Variants in PHACTR2 observed in about 807,000 individuals in gnomAD.
The protein encoded by PHACTR2 is chromosome 6 open reading frame 56.
Under a neutral mutation model 76.0 loss-of-function variants are expected in PHACTR2, and 30 were observed. The ratio of observed to expected loss-of-function variants is 0.39; its 90% confidence interval spans 0.30 to 0.54. The LOEUF is 0.54. Among genes scored for constraint, PHACTR2 ranks in the 20% least tolerant of loss-of-function variants. PHACTR2 has a pLI of 0.61. For synonymous variants in PHACTR2, 292 were observed against 292.5 expected (o/e 1.00, Z 0.02); for missense variants, 696 against 781.1 (o/e 0.89, Z 1.30).
At position 143,710,293 on chromosome 6, in the gene PHACTR2, G is replaced by A. The variant is rs1262968999; in HGVS notation, c.47-1723G>A. Among the ~76,000 whole-genome samples the A allele has an allele frequency of 6.6e-6, 1 of 152,154 alleles. No homozygotes were observed. The highest frequency in any genetic ancestry group is 1.5e-5 in the Non-Finnish European group (1 of 68,038). On this transcript the variant is annotated intron_variant, in intron 1 of 12. Coordinates refer to ENST00000440869, the MANE Select transcript of PHACTR2 (RefSeq NM_001100164.2). This position sits in a 1 kb window ranked among gnomAD's most constrained non-coding sequence, Gnocchi z 4.9. ...ACCGTGTTGTTTCTTGGGTTCTGAG[G>A]TCCCAGGCTTGTCTACCTTCCCTTG...
intron 1 of PHACTR2, among the ~76,000 whole-genome samples, chr6:143,540,253 G>T (rs1352580115): frequency 6.6e-6 from 1 of 152,130 alleles, no homozygotes; most frequent in Non-Finnish European, 1.5e-5. Flanking sequence ...GTGTTGAGGG[G>T]AAAAGGAAAT....
At chr6:143,692,427 C>G (rs999320071) in intron 1 of PHACTR2, among the ~76,000 whole-genome samples, 1 of 152,194 alleles carries the variant, frequency 6.6e-6, no homozygotes, top group African/African-American at 2.4e-5. Flanking sequence ...TGCGCTGTTT[C>G]ATTTTCCTAA....
chr6:143,698,905 C>T lies in PHACTR2; in HGVS notation c.47-13111C>T, dbSNP rs890839377. Among the ~76,000 whole-genome samples, 8 of 152,306 alleles carry T rather than the reference C, an allele frequency of 5.3e-5. No homozygotes were observed. The highest frequency in any genetic ancestry group is 3.4e-3 in the Middle Eastern group (1 of 294). On this transcript the variant is annotated intron_variant, in intron 1 of 12. Coordinates refer to ENST00000440869, the MANE Select transcript of PHACTR2 (RefSeq NM_001100164.2). This position sits in a 1 kb window ranked among gnomAD's most constrained non-coding sequence, Gnocchi z 4.3. ...CCTTCCTCCTCTCCCTTGGATTGTC[C>T]GAACCCTGGGTCTCCTTGGCAACAC...
At chr6:143,699,254 T>G (rs6913134) in intron 1 of PHACTR2, among the ~76,000 whole-genome samples, 29,207 of 152,160 alleles carry the variant, frequency 0.19, 2,986 homozygotes, top group East Asian at 0.35. Context: ...ACATCCTGGC[T>G]GGTGCAGCTC....
intron 1 of PHACTR2, among the ~76,000 whole-genome samples, chr6:143,694,557 T>G (rs1777726915): frequency 6.6e-6 from 1 of 152,234 alleles, no homozygotes; most frequent in African/African-American, 2.4e-5. Context: ...TCCTTTTCTG[T>G]GTTTGGTTTT....
rs3060568 is a variant in PHACTR2 at position 143,783,036 on chromosome 6, T to TGTG, written c.1646-183_1646-182insGTG. Among the ~76,000 whole-genome samples, 1 of 151,436 alleles carries TGTG rather than the reference T, an allele frequency of 6.6e-6. No individual in the cohort carries two copies. The highest frequency in any genetic ancestry group is 2.1e-4 in the South Asian group (1 of 4,786). On this transcript the variant is annotated intron_variant, in intron 9 of 12. Coordinates refer to ENST00000440869, the MANE Select transcript of PHACTR2 (RefSeq NM_001100164.2). This position sits in a 1 kb window ranked among gnomAD's most constrained non-coding sequence, Gnocchi z 5.2. ...GTGTGTGTGTGTGTGTGTGTGTGTG[T>TGTG]ATGTGTGTGTGTGTGTAAGATGATC...
chr6:143,721,412 A>C (rs1429101696), intron 2 of PHACTR2, among the ~76,000 whole-genome samples: 1 of 152,230 alleles, frequency 6.6e-6, no homozygotes, highest in South Asian at 2.1e-4. Context: ...ATAGTAAAAC[A>C]CTTTCATAAT....
In PHACTR2 at chr6:143,691,545, A is replaced by T. The variant is rs182508640; in HGVS notation, c.46+13336A>T. On this transcript the variant is annotated intron_variant, in intron 1 of 12. Transcript: ENST00000440869. ...AATATTATAAGCAGCAAAATGATGC[A>T]TTTCCCACAACAACTAGGTTTGAAG... Among the ~76,000 whole-genome samples the T allele has an allele frequency of 3.9e-5, 6 of 152,330 alleles. No individual in the cohort carries two copies. The East Asian group carries it at 1.2e-3, about 29-fold the overall frequency.
rs1777751056 is a variant in PHACTR2, at chr6:143,695,441, A to G, written c.47-16575A>G. On this transcript the variant is annotated intron_variant, in intron 1 of 12. Coordinates refer to ENST00000440869, the MANE Select transcript of PHACTR2 (RefSeq NM_001100164.2). This position sits in a 1 kb window ranked among gnomAD's most constrained non-coding sequence, Gnocchi z 4.4. ...TCCAAGACCCTATTTCAGATTCAAC[A>G]TTCAATACCCTAAGGCATAAAAATG... is the stretch of plus-strand genomic sequence containing the variant. Among the ~76,000 whole-genome samples the G allele has an allele frequency of 6.6e-6, 1 of 152,258 alleles. No individual in the cohort carries two copies. Among genetic ancestry groups the G allele is most frequent in the African/African-American group, 2.4e-5 (1 of 41,468 alleles).
chr6:143,765,030 C>G lies in PHACTR2; in HGVS notation c.695-231C>G, dbSNP rs902381686. Among the ~76,000 whole-genome samples, 1 of 152,124 alleles carries G rather than the reference C, an allele frequency of 6.6e-6. No individual in the cohort carries two copies. Among genetic ancestry groups the G allele is most frequent in the African/African-American group, 2.4e-5 (1 of 41,416 alleles). Reference sequence around the variant, plus strand: ...GACTAAAGTGAGAGAAGACAGAGGACTCTTGTTCCTCTGAGTTTTGCCGTA... The same window carrying G: ...GACTAAAGTGAGAGAAGACAGAGGAGTCTTGTTCCTCTGAGTTTTGCCGTA... On this transcript the variant is annotated intron_variant, in intron 5 of 12. Coordinates refer to ENST00000440869, the MANE Select transcript of PHACTR2 (RefSeq NM_001100164.2). This position sits in a 1 kb window ranked among gnomAD's most constrained non-coding sequence, Gnocchi z 4.1.
intron 1 of PHACTR2, among the ~76,000 whole-genome samples, chr6:143,692,159 G>A (rs374550461): frequency 1.3e-5 from 2 of 152,118 alleles, no homozygotes; most frequent in Non-Finnish European, 2.9e-5. Flanking sequence ...CTTCCTTCTT[G>A]TATAAAGATG....
intron 3 of PHACTR2, among the ~76,000 whole-genome samples, chr6:143,752,423 G>T (rs1779202959): frequency 6.6e-6 from 1 of 151,652 alleles, no homozygotes; most frequent in Non-Finnish European, 1.5e-5. Flanking sequence ...GAATCATTTG[G>T]GTTCTCTTTG....
rs1775779789 is a variant in PHACTR2 at position 143,794,324 on chromosome 6, A to G, written c.1845+5414A>G. Among the ~76,000 whole-genome samples, 1 of 150,580 alleles carries G rather than the reference A, an allele frequency of 6.6e-6. No homozygotes were observed. Among genetic ancestry groups the G allele is most frequent in the Non-Finnish European group, 1.5e-5 (1 of 67,674 alleles). ...GCTTTTTACCTTAAAACATTTTATA[A>G]TATATTATTTATTATATATATTTAG... On this transcript the variant is annotated intron_variant, in intron 11 of 12. Transcript: ENST00000440869. This position sits in a 1 kb window ranked among gnomAD's most constrained non-coding sequence, Gnocchi z 4.1.
chr6:143,646,647 A>C lies in PHACTR2; in HGVS notation c.13+38325A>C, dbSNP rs149368461. Among the ~76,000 whole-genome samples, 63 of 152,284 alleles carry C rather than the reference A, an allele frequency of 4.1e-4. No homozygotes were observed. Among genetic ancestry groups the C allele is most frequent in the African/African-American group, 1.4e-3 (57 of 41,554 alleles). ...TAATTAGAATTCCACTTTTCTTGAA[A>C]TGTCAAGAAGGGCAGGTGTACTCTG... On this transcript the variant is annotated intron_variant, in intron 1 of 11. Coordinates refer to the PHACTR2 transcript ENST00000305766. This position sits in a 1 kb window ranked among gnomAD's most constrained non-coding sequence, Gnocchi z 4.1.
intron 1 of PHACTR2, among the ~76,000 whole-genome samples, chr6:143,701,935 A>T (rs764777867): frequency 7.2e-5 from 11 of 152,148 alleles, no homozygotes; most frequent in Non-Finnish European, 1.5e-4. Context: ...AGATCATTTA[A>T]CCTAGTCTCC....
Position 143,694,567 on chromosome 6 carries a change from T to C in PHACTR2, c.46+16358T>C, listed in dbSNP as rs574644214. Among the ~76,000 whole-genome samples, 3 of 152,366 alleles carry C rather than the reference T, an allele frequency of 2.0e-5. No homozygotes were observed. In the South Asian group the frequency reaches 6.2e-4, roughly 32 times the overall value. On this transcript the variant is annotated intron_variant, in intron 1 of 12. Transcript: ENST00000440869. ...AGTCTTCCTTTTCTGTGTTTGGTTT[T>C]GCTGGCTCTGTATGCTTTCATTGTC...
At position 143,757,118 on chromosome 6, in the gene PHACTR2, ATTAAG is replaced by A. The variant is rs1779318983; in HGVS notation, c.454+3210_454+3214del. On this transcript the variant is annotated intron_variant, in intron 4 of 12. Transcript: ENST00000440869. The surrounding 1 kb of genome is among the most constrained non-coding windows in gnomAD (Gnocchi z 4.2). The stretch of plus-strand genomic sequence containing the variant: ...AGAAATCTTGCTTGACATTATTTTT[ATTAAG>A]TTATTATTTTAAAATCTTCAATGAA... Among the ~76,000 whole-genome samples the A allele has an allele frequency of 2.6e-5, 4 of 152,204 alleles. No homozygotes were observed. The highest frequency in any genetic ancestry group is 6.5e-5 in the Admixed American group (1 of 15,304).
Position 143,765,371 on chromosome 6 carries a change from G to A in PHACTR2, c.805G>A (p.Ala269Thr). 7 of 1,614,198 alleles carry A rather than the reference G, an allele frequency of 4.3e-6. No individual in the cohort carries two copies. Among genetic ancestry groups the A allele is most frequent in the Non-Finnish European group, 5.9e-6 (7 of 1,180,042 alleles). Reference sequence around the variant, plus strand: ...TTCAAAGGAGACAGTTTCTAGCAAAGCAGGGACAGTGGGGACCACCAAGGG... The same window carrying A: ...TTCAAAGGAGACAGTTTCTAGCAAAACAGGGACAGTGGGGACCACCAAGGG... ...KASKETVSSK[A>T]GTVGTTKGKR... Residue 269 changes from alanine (A) to threonine (T), a missense_variant, in exon 6 of 13, where the codon GCA becomes ACA. This residue lies in a region of PHACTR2 where 460 missense variants were observed against 450.9 expected (regional missense o/e 1.02). Transcript: ENST00000440869. The surrounding 1 kb of genome is among the most constrained non-coding windows in gnomAD (Gnocchi z 4.1).
At position 143,778,816 on chromosome 6, in the gene PHACTR2, G is replaced by A. The variant is rs150941217; in HGVS notation, c.1645+1433G>A. On this transcript the variant is annotated intron_variant, in intron 9 of 12. Transcript: ENST00000440869. ...AGAAAAAGGGAAGAGCACATTTTGG[G>A]TAATTCTTTCTTGATCCTGTGAGAT... Among the ~76,000 whole-genome samples the A allele has an allele frequency of 6.1e-4, 93 of 152,260 alleles. 1 individual carries two copies. The East Asian group carries it at 0.016, about 26-fold the overall frequency.
Sources: gnomAD v4.1 joint callset for allele counts (sites outside exome capture counted in the v4.1 genomes callset) on GRCh38, gnomAD v4.1.1 for gene constraint, gnomAD v4.1.1 regional missense constraint, Gnocchi (gnomAD v3.1) non-coding constraint, MANE v1.5 for transcripts, NCBI Gene and HGNC (gene_info 2026-07-23, HGNC 2026-07-21) for gene names.